Variants in DSCAM observed in about 807,000 individuals in gnomAD.
The protein encoded by DSCAM is cell adhesion molecule DSCAM.
In DSCAM, 47 loss-of-function variants were observed where a neutral mutation model predicts 217.7. That is an observed-to-expected ratio of 0.22 (90% CI 0.17 to 0.28). The LOEUF is 0.28. DSCAM is among the 10% of genes least tolerant of loss of function. DSCAM has a pLI of 1.00. For synonymous variants in DSCAM, 1,056 were observed against 1,015.3 expected (o/e 1.04, Z -0.76); for missense variants, 2,080 against 2,618.3 (o/e 0.79, Z 4.49).
In DSCAM at chr21:40,075,036, C is replaced by T. The variant is rs1429779641; in HGVS notation, c.4888+1G>A. On this transcript the variant is annotated splice_donor_variant, in intron 27 of 32. Transcript: ENST00000400454. LOFTEE classifies it high-confidence loss of function. ...AGGTGGACAGCTGGGCCTGGACCTA[C>T]CTCGCAGCCTCTTTAGCCTCTGCTC... is the stretch of plus-strand genomic sequence containing the variant. The T allele has an allele frequency of 6.2e-7, 1 of 1,614,018 alleles. No individual in the cohort carries two copies.
chr21:40,682,196 C>T (rs943268178), intron 3 of DSCAM, among the ~76,000 whole-genome samples: 7 of 151,516 alleles, frequency 4.6e-5, no homozygotes, highest in South Asian at 2.1e-4. Flanking sequence ...CAGAGGGATG[C>T]GGGGGAGTGA....
intron 3 of DSCAM, among the ~76,000 whole-genome samples, chr21:40,674,661 C>T (rs2090316648): frequency 8.8e-6 from 1 of 113,902 alleles, no homozygotes; most frequent in Non-Finnish European, 1.7e-5. Flanking sequence ...GAGACGGAGT[C>T]TCGCTTTGTC....
intron 4 of DSCAM, 129 bp downstream of exon 4, chr21:40,368,970 T>C (rs1002007599): frequency 1.8e-6 from 2 of 1,082,420 alleles, no homozygotes; most frequent in African/African-American, 3.2e-5. Flanking sequence ...TTAAAATTCC[T>C]AAAATATTTT....
Position 40,339,125 on chromosome 21 carries a change from C to A in DSCAM, c.1501G>T (p.Val501Leu), listed in dbSNP as rs1397421938. ...GVVLYQARIN[V>L]RGPASIRPMK... ...GAGCTGATTTGACAAGCACCTCTTA[C>A]GTTTATTCGAGCCTGGTACAGGACG... Residue 501 changes from valine to leucine, a missense_variant, in exon 7 of 33, where the codon GTA becomes TTA. Val to Leu is a conservative substitution (Grantham distance 32). This residue lies in a region of DSCAM where 568 missense variants were observed against 678.1 expected (regional missense o/e 0.84). Coordinates refer to ENST00000400454, the MANE Select transcript of DSCAM (RefSeq NM_001389.5). 2 of 1,614,030 alleles carry A rather than the reference C, an allele frequency of 1.2e-6. No homozygotes were observed. The highest frequency in any genetic ancestry group is 1.7e-6 in the Non-Finnish European group (2 of 1,179,972).
At chr21:40,628,707 A>G (rs2089637994) in intron 3 of DSCAM, among the ~76,000 whole-genome samples, 1 of 8,802 alleles carries the variant, frequency 1.1e-4, no homozygotes, top group Non-Finnish European at 4.7e-4. Context: ...CTATCTATCT[A>G]TCTATCTATC....
chr21:40,470,033 T>C (rs62225476), intron 3 of DSCAM, among the ~76,000 whole-genome samples: 31,593 of 152,184 alleles, frequency 0.21, 4,018 homozygotes, highest in African/African-American at 0.35. Flanking sequence ...GGCATAGAAT[T>C]ACAGGGGCCT....
intron 11 of DSCAM, among the ~76,000 whole-genome samples, chr21:40,245,676 G>A (rs1369526668): frequency 6.6e-6 from 1 of 152,162 alleles, no homozygotes; most frequent in African/African-American, 2.4e-5. Flanking sequence ...CTTTATGCCA[G>A]GAATTAACAA....
chr21:40,664,065 C>T (rs2090172311), intron 3 of DSCAM, among the ~76,000 whole-genome samples: 1 of 152,204 alleles, frequency 6.6e-6, no homozygotes, highest in Admixed American at 6.5e-5. Context: ...AACATATGCA[C>T]AAATAATGTA....
chr21:40,544,313 G>A (rs955215369), intron 3 of DSCAM, among the ~76,000 whole-genome samples: 3 of 152,190 alleles, frequency 2.0e-5, no homozygotes, highest in African/African-American at 4.8e-5. Context: ...AATAGCAGCT[G>A]TACTAAGTTG....
intron 8 of DSCAM, 43 bp from the exon 9 acceptor site, chr21:40,312,402 A>G (rs1297047624): frequency 6.3e-7 from 1 of 1,596,404 alleles, no homozygotes; most frequent in South Asian, 1.1e-5. Context: ...TGCTTATTCT[A>G]CATTTGCTTT....
intron 32 of DSCAM, among the ~76,000 whole-genome samples, chr21:40,020,277 C>T (rs1371352602): frequency 1.3e-5 from 2 of 152,222 alleles, no homozygotes; most frequent in Admixed American, 1.3e-4. Context: ...TCCCCAGCCA[C>T]ATGGAACTGT....
intron 3 of DSCAM, among the ~76,000 whole-genome samples, chr21:40,518,088 C>T (rs965655182): frequency 1.3e-5 from 2 of 151,544 alleles, no homozygotes; most frequent in African/African-American, 4.8e-5. Flanking sequence ...CCAAGGAGGG[C>T]ACATAGAACC....
intron 3 of DSCAM, among the ~76,000 whole-genome samples, chr21:40,378,981 TAA>T: frequency 6.6e-6 from 1 of 152,154 alleles, no homozygotes; most frequent in South Asian, 2.1e-4. Context: ...TGCAGTTACA[TAA>T]AAGACAGTAA....
intron 18 of DSCAM, among the ~76,000 whole-genome samples, chr21:40,135,024 T>C (rs1185452127): frequency 6.6e-6 from 1 of 152,228 alleles, no homozygotes; most frequent in African/African-American, 2.4e-5. Flanking sequence ...CTCCAGCATA[T>C]GATACACGGC....
rs2091591634 is a variant in DSCAM at position 40,786,119 on chromosome 21, C to T, written c.43+60500G>A. Among the ~76,000 whole-genome samples the T allele has an allele frequency of 2.0e-5, 3 of 152,142 alleles. No individual in the cohort carries two copies. In the South Asian group the frequency reaches 6.2e-4, roughly 32 times the overall value. On this transcript the variant is annotated intron_variant, in intron 1 of 32. Coordinates refer to ENST00000400454, the MANE Select transcript of DSCAM (RefSeq NM_001389.5). ...GGCATGGTGGTGGGCACCTGTAATC[C>T]CAGCTACTTGGGAGGCTGAGGCAGG...
intron 3 of DSCAM, among the ~76,000 whole-genome samples, chr21:40,641,316 T>TA (rs552907210): frequency 2.6e-5 from 4 of 152,284 alleles, no homozygotes; most frequent in African/African-American, 4.8e-5. Context: ...ATGAGTGTTA[T>TA]ACAAGGAAAC....
intron 9 of DSCAM, among the ~76,000 whole-genome samples, chr21:40,302,227 TG>T (rs1203979968): frequency 6.6e-6 from 1 of 152,126 alleles, no homozygotes; most frequent in Non-Finnish European, 1.5e-5. Flanking sequence ...CATCTTGAAT[TG>T]TAGCTCCCAC....
chr21:40,774,728 C>T (rs1016495177), intron 1 of DSCAM, among the ~76,000 whole-genome samples: 1 of 151,932 alleles, frequency 6.6e-6, no homozygotes, highest in African/African-American at 2.4e-5. Context: ...TTCATCATCA[C>T]TTAGTTCTAT....
chr21:40,145,471 C>A (rs2146720873), intron 16 of DSCAM, among the ~76,000 whole-genome samples: 1 of 152,194 alleles, frequency 6.6e-6, no homozygotes, highest in Non-Finnish European at 1.5e-5. Context: ...CTCCACCCTG[C>A]TGATGTGAAG....
Sources: allele counts gnomAD v4.1 joint callset (sites outside exome capture counted in the v4.1 genomes callset), GRCh38; gene constraint gnomAD v4.1.1; regional missense constraint gnomAD v4.1.1; transcripts MANE v1.5; gene names NCBI Gene and HGNC (gene_info 2026-07-23, HGNC 2026-07-21).